The following CCDC91 variants were observed in gnomAD, a reference collection of about 807,000 sequenced individuals.
CCDC91 encodes coiled-coil domain-containing protein 91.
In CCDC91, 48 loss-of-function variants were observed where a neutral mutation model predicts 63.2. The observed-to-expected ratio is 0.76, with a 90% CI of 0.60 to 0.97. The LOEUF is 0.97. Ranked by LOEUF, CCDC91 falls within the 50% of genes least tolerant of loss-of-function variation. CCDC91 has a pLI of 0.00. For synonymous variants in CCDC91, 167 were observed against 165.8 expected (o/e 1.01, Z -0.06); for missense variants, 500 against 494.6 (o/e 1.01, Z -0.10).
intron 7 of CCDC91, among the ~76,000 whole-genome samples, chr12:28,372,704 A>G (rs1944698266): frequency 6.6e-6 from 1 of 152,034 alleles, no homozygotes; most frequent in Non-Finnish European, 1.5e-5. Flanking sequence ...TACTGAATTC[A>G]TTTATCAAAT....
At chr12:28,262,654 A>T (rs1371699667) in intron 3 of CCDC91, among the ~76,000 whole-genome samples, 2 of 152,014 alleles carry the variant, frequency 1.3e-5, no homozygotes, top group Non-Finnish European at 2.9e-5. Context: ...GAAATTAATG[A>T]ATTGTCAGTA....
chr12:28,503,213 C>T (rs1938201986), intron 12 of CCDC91, among the ~76,000 whole-genome samples: 1 of 152,064 alleles, frequency 6.6e-6, no homozygotes, highest in Non-Finnish European at 1.5e-5. Flanking sequence ...CCAGAATCTA[C>T]AATGAACTCC....
intron 11 of CCDC91, 117 bp from the exon 12 acceptor site, chr12:28,483,935 A>G (rs1041323798): frequency 1.1e-5 from 6 of 558,310 alleles, no homozygotes; most frequent in African/African-American, 9.6e-5. Context: ...GTGTAAAGGT[A>G]CACTTTGAAT....
At chr12:28,278,266 C>G (rs1948377424) in intron 3 of CCDC91, among the ~76,000 whole-genome samples, 1 of 152,022 alleles carries the variant, frequency 6.6e-6, no homozygotes, top group Non-Finnish European at 1.5e-5. Flanking sequence ...TCCTACTATT[C>G]TGATCTTCCC....
At chr12:28,201,526 C>A (rs2122544) in intron 1 of CCDC91, among the ~76,000 whole-genome samples, 1 of 137,792 alleles carries the variant, frequency 7.3e-6, no homozygotes, top group African/African-American at 2.7e-5. Context: ...CGGGCAGAGA[C>A]GCTCCTCACT....
intron 1 of CCDC91, among the ~76,000 whole-genome samples, chr12:28,199,786 G>C (rs150586759): frequency 6.6e-6 from 1 of 152,168 alleles, no homozygotes; most frequent in Non-Finnish European, 1.5e-5. Flanking sequence ...GGCCTCCGTG[G>C]TTTTTAGTGA....
At chr12:28,363,431 A>G (rs1041256805) in intron 7 of CCDC91, among the ~76,000 whole-genome samples, 2 of 152,174 alleles carry the variant, frequency 1.3e-5, no homozygotes, top group East Asian at 1.9e-4. Context: ...ACATGTTTAC[A>G]TAGGCATTTT....
chr12:28,487,558 A>C (rs1592821408), intron 12 of CCDC91, among the ~76,000 whole-genome samples: 1 of 151,750 alleles, frequency 6.6e-6, no homozygotes, highest in Non-Finnish European at 1.5e-5. Context: ...AATTAGGGCA[A>C]CTCACATCTA....
At chr12:28,447,314 A>G (rs1435237202) in intron 8 of CCDC91, among the ~76,000 whole-genome samples, 2 of 152,106 alleles carry the variant, frequency 1.3e-5, no homozygotes, top group Non-Finnish European at 2.9e-5. Flanking sequence ...AATACTACTT[A>G]TATATAAATT....
Position 28,387,248 on chromosome 12 carries a change from C to T in CCDC91, c.655-4056C>T, listed in dbSNP as rs1456677877. 2.0e-5 allele frequency among the ~76,000 whole-genome samples: 3 copies of T among 152,138 alleles called. No homozygotes were observed. The East Asian group carries it at 5.8e-4, about 29-fold the overall frequency. ...GCTTGGACTGTGGCACTAGTAATCA[C>T]ACAATGTTGAGCCATAGGACCAATG... On this transcript the variant is annotated intron_variant, in intron 7 of 12. Coordinates refer to ENST00000536442, the MANE Select transcript of CCDC91 (RefSeq NM_018318.5).
At chr12:28,192,020 C>T (rs950849816) in intron 1 of CCDC91, among the ~76,000 whole-genome samples, 5 of 152,172 alleles carry the variant, frequency 3.3e-5, no homozygotes, top group African/African-American at 9.7e-5. Context: ...TTACAACTTA[C>T]CTCTTAACTT....
At chr12:28,191,047 A>T (rs1219662344) in intron 1 of CCDC91, among the ~76,000 whole-genome samples, 1 of 152,218 alleles carries the variant, frequency 6.6e-6, no homozygotes, top group Non-Finnish European at 1.5e-5. Context: ...TGCCAAGTAC[A>T]TTGGGGTAAA....
chr12:28,534,657 CTT>C (rs1942010268), intron 12 of CCDC91, among the ~76,000 whole-genome samples: 1 of 152,164 alleles, frequency 6.6e-6, no homozygotes, highest in African/African-American at 2.4e-5. Flanking sequence ...TCAAACATGT[CTT>C]TTCTTAATTA....
At chr12:28,211,287 C>T (rs769628568) in intron 1 of CCDC91, among the ~76,000 whole-genome samples, 1 of 151,954 alleles carries the variant, frequency 6.6e-6, no homozygotes, top group Non-Finnish European at 1.5e-5. Flanking sequence ...TTTCCTTTCC[C>T]TGAGTGGCCC....
chr12:28,471,316 C>A (rs1280316490), intron 11 of CCDC91, among the ~76,000 whole-genome samples: 1 of 152,128 alleles, frequency 6.6e-6, no homozygotes, highest in African/African-American at 2.4e-5. Flanking sequence ...TATGAACAAA[C>A]TATCAATTGT....
intron 1 of CCDC91, among the ~76,000 whole-genome samples, chr12:28,216,418 T>A (rs1943563203): frequency 6.6e-6 from 1 of 152,042 alleles, no homozygotes; most frequent in Admixed American, 6.6e-5. Context: ...TAAAATAAAA[T>A]ATATATAGTG....
intron 6 of CCDC91, among the ~76,000 whole-genome samples, chr12:28,328,737 G>T (rs1290715704): frequency 6.6e-6 from 1 of 152,070 alleles, no homozygotes; most frequent in Non-Finnish European, 1.5e-5. Context: ...AAATGGCAAT[G>T]ACTAAAAAGA....
intron 11 of CCDC91, among the ~76,000 whole-genome samples, chr12:28,483,538 G>A (rs746102779): frequency 6.6e-6 from 1 of 152,014 alleles, no homozygotes; most frequent in Admixed American, 6.6e-5. Context: ...AGCACACTGG[G>A]TGGAATTTTT....
At chr12:28,257,813 ATATTT>A (rs1315272003) in intron 2 of CCDC91, among the ~76,000 whole-genome samples, 2 of 152,008 alleles carry the variant, frequency 1.3e-5, no homozygotes, top group African/African-American at 4.8e-5. Flanking sequence ...TTTTATTGAA[ATATTT>A]TATAACCCAG....
Sources: gnomAD v4.1 joint callset for allele counts (sites outside exome capture counted in the v4.1 genomes callset) on GRCh38, gnomAD v4.1.1 for gene constraint, MANE v1.5 for transcripts, NCBI Gene and HGNC (gene_info 2026-07-23, HGNC 2026-07-21) for gene names.